ZFAT: variants seen among roughly 807,000 people sequenced by gnomAD.
ZFAT encodes zinc finger protein ZFAT.
A neutral mutation model predicts 117.7 loss-of-function variants in ZFAT; 64 were observed. The observed-to-expected ratio is 0.54, with a 90% CI of 0.44 to 0.67. The LOEUF (loss-of-function observed/expected upper bound fraction) is 0.67. ZFAT is among the 30% of genes least tolerant of loss of function. The pLI is 0.00. For synonymous variants in ZFAT, 679 were observed against 615.0 expected (o/e 1.10, Z -1.54); for missense variants, 1,433 against 1,584.5 (o/e 0.90, Z 1.62).
chr8:134,722,196 G>A, the ZFAT span, among the ~76,000 whole-genome samples: 11 of 152,330 alleles, frequency 7.2e-5, no homozygotes, highest in Admixed American at 3.9e-4. Flanking sequence ...GAGCCCACCC[G>A]AGGAGATGGG....
intron 2 of ZFAT, among the ~76,000 whole-genome samples, chr8:134,649,918 C>T (rs909052655): frequency 2.7e-4 from 41 of 152,014 alleles, no homozygotes; most frequent in African/African-American, 9.4e-4. Flanking sequence ...TCCCCCATGC[C>T]GTTCTCGTGA....
chr8:134,790,369 C>T, the ZFAT span, among the ~76,000 whole-genome samples: 3 of 152,176 alleles, frequency 2.0e-5, no homozygotes, highest in East Asian at 5.8e-4. Flanking sequence ...GGGCCAAGAG[C>T]AATTTCCTTT....
rs541931633 is a variant in ZFAT at position 134,710,460 on chromosome 8, A to T, written c.19+2385T>A. Among the ~76,000 whole-genome samples the T allele has an allele frequency of 1.2e-4, 18 of 152,322 alleles. No homozygotes were observed. In the South Asian group the frequency reaches 3.7e-3, roughly 32 times the overall value. ...GGTGGACTTCCCTTTTGGGTCTTTA[A>T]AAGTTTCCATTTGCCCCAACTTCTT... On this transcript the variant is annotated intron_variant, in intron 1 of 15. Transcript: ENST00000377838.
the ZFAT span, among the ~76,000 whole-genome samples, chr8:134,820,368 T>C: frequency 6.6e-6 from 1 of 152,244 alleles, no homozygotes. Flanking sequence ...TGTGGAAATG[T>C]AATACATCTA....
the ZFAT span, among the ~76,000 whole-genome samples, chr8:134,749,508 T>A: frequency 3.5e-4 from 53 of 152,256 alleles, no homozygotes; most frequent in Middle Eastern, 3.4e-3. Flanking sequence ...TTAATACCAC[T>A]CTTGAGGGTA....
chr8:134,827,692 C>T, the ZFAT span, among the ~76,000 whole-genome samples: 4 of 150,440 alleles, frequency 2.7e-5, no homozygotes, highest in South Asian at 2.1e-4. Flanking sequence ...TGCTTGAACC[C>T]GGGAGGCGGA....
At chr8:134,606,232 C>A (rs1230328630) in intron 5 of ZFAT, among the ~76,000 whole-genome samples, 1 of 152,084 alleles carries the variant, frequency 6.6e-6, no homozygotes, top group African/African-American at 2.4e-5. Context: ...CCCCCTGCAC[C>A]CCTAAGAGCA....
At chr8:134,604,263 G>GT (rs1448779881) in intron 5 of ZFAT, among the ~76,000 whole-genome samples, 5 of 152,212 alleles carry the variant, frequency 3.3e-5, no homozygotes, top group African/African-American at 1.2e-4. Flanking sequence ...TGTACAGTTA[G>GT]TAAGTGGTGA....
At chr8:134,690,169 C>T (rs747814996) in intron 1 of ZFAT, among the ~76,000 whole-genome samples, 37 of 152,126 alleles carry the variant, frequency 2.4e-4, no homozygotes, top group African/African-American at 6.5e-4. Flanking sequence ...TCCCTGCAGA[C>T]GAGAGAAATG....
intron 3 of ZFAT, among the ~76,000 whole-genome samples, chr8:134,618,177 A>C (rs1258064748): frequency 1.3e-5 from 2 of 152,044 alleles, no homozygotes; most frequent in Non-Finnish European, 2.9e-5. Flanking sequence ...CAGCAGTGTG[A>C]AAACAGACTA....
At chr8:134,480,810 A>C (rs553464126) in intron 15 of ZFAT, among the ~76,000 whole-genome samples, 4 of 151,698 alleles carry the variant, frequency 2.6e-5, no homozygotes, top group Non-Finnish European at 5.9e-5. Context: ...CTGACTCTGC[A>C]CTCTCTCTGG....
At chr8:134,538,796 C>CAA (rs35209102) in intron 11 of ZFAT, among the ~76,000 whole-genome samples, 1,954 of 105,018 alleles carry the variant, frequency 0.019, 57 homozygotes, top group African/African-American at 0.06. Flanking sequence ...GACCCTGTCA[C>CAA]AAAAAAAAAA....
At chr8:134,709,190 G>A (rs771760920) in intron 1 of ZFAT, among the ~76,000 whole-genome samples, 1 of 152,204 alleles carries the variant, frequency 6.6e-6, no homozygotes, top group African/African-American at 2.4e-5. Context: ...AGGCTGATGT[G>A]GGAGGGTGGC....
chr8:134,741,985 A>G, the ZFAT span, among the ~76,000 whole-genome samples: 1 of 150,704 alleles, frequency 6.6e-6, no homozygotes, highest in Admixed American at 6.6e-5. Flanking sequence ...CCCCAGCCCC[A>G]CTCCTGAGAA....
intron 1 of ZFAT, among the ~76,000 whole-genome samples, chr8:134,682,645 A>G (rs1392276900): frequency 6.6e-6 from 1 of 152,120 alleles, no homozygotes; most frequent in African/African-American, 2.4e-5. Flanking sequence ...ACAGAGTGAA[A>G]CTCCATCTCA....
upstream of ZFAT, among the ~76,000 whole-genome samples, chr8:134,714,788 C>T (rs574696156): frequency 1.3e-5 from 2 of 151,896 alleles, no homozygotes; most frequent in Admixed American, 6.5e-5. Context: ...GTGTGGATCT[C>T]GCCTCTCCAT....
chr8:134,551,125 A>G (rs1239250740), intron 11 of ZFAT, among the ~76,000 whole-genome samples: 2 of 152,186 alleles, frequency 1.3e-5, no homozygotes, highest in Admixed American at 6.5e-5. Context: ...CAGTGAGGGG[A>G]AAAAGGACAA....
chr8:134,832,206 C>G, the ZFAT span, among the ~76,000 whole-genome samples: 1 of 151,458 alleles, frequency 6.6e-6, no homozygotes, highest in Non-Finnish European at 1.5e-5. Context: ...AAGCAGCCTC[C>G]GCCGCGTCCG....
intron 14 of ZFAT, among the ~76,000 whole-genome samples, chr8:134,510,412 G>A (rs1320209768): frequency 6.6e-6 from 1 of 152,152 alleles, no homozygotes; most frequent in East Asian, 1.9e-4. Flanking sequence ...ATGACTGCTT[G>A]ATCTCCACCT....
Sources: allele counts gnomAD v4.1 joint callset (sites outside exome capture counted in the v4.1 genomes callset), GRCh38; gene constraint gnomAD v4.1.1; transcripts MANE v1.5; gene names NCBI Gene and HGNC (gene_info 2026-07-23, HGNC 2026-07-21).